Variants in MAP7 observed in about 807,000 individuals in gnomAD.
MAP7 encodes the protein ensconsin.
MAP7 carries 52 observed loss-of-function variants against 94.8 expected under a neutral mutation model. The ratio of observed to expected loss-of-function variants is 0.55; its 90% CI spans 0.44 to 0.69. The LOEUF (loss-of-function observed/expected upper bound fraction) is 0.69. MAP7 is among the 30% of genes least tolerant of loss of function. The pLI, the probability that MAP7 is intolerant of heterozygous loss-of-function variation, is 0.00. For missense variants in MAP7, 940 were observed against 964.6 expected, an observed-to-expected ratio of 0.97 and a Z score of 0.34; for synonymous variants, 350 against 357.0, an observed-to-expected ratio of 0.98 and a Z score of 0.22.
chr6:136,372,758 G>C, intron 7 of MAP7, 133 bp from the exon 8 acceptor site: 2 of 1,098,152 alleles, frequency 1.8e-6, no homozygotes, highest in East Asian at 4.8e-5. Flanking sequence ...GAGAAAAGTA[G>C]GAAGAAGATG....
intron 1 of MAP7, among the ~76,000 whole-genome samples, chr6:136,520,662 G>C (rs1826145057): frequency 6.6e-6 from 1 of 152,182 alleles, no homozygotes. Flanking sequence ...GGCTGGGAGC[G>C]AGAGAGGAGG....
rs376618331 is a variant in MAP7, at chr6:136,411,606, G to C, written c.244+14C>G. On this transcript the variant is annotated intron_variant, in intron 3 of 17. Coordinates refer to ENST00000354570, the MANE Select transcript of MAP7 (RefSeq NM_003980.6). ...CCATTCAAATCAGGGCCATGGACAC[G>C]GGGCCTGGGGTACCTAGCTGTTTCT... 2 of 1,554,548 alleles carry C rather than the reference G, an allele frequency of 1.3e-6. No homozygotes were observed. The highest frequency in any genetic ancestry group is 1.7e-6 in the Non-Finnish European group (2 of 1,148,290).
chr6:136,454,109 C>A lies in MAP7; in HGVS notation c.68-32310G>T, dbSNP rs1802010635. Among the ~76,000 whole-genome samples, 3 of 152,224 alleles carry A rather than the reference C, an allele frequency of 2.0e-5. No individual in the cohort carries two copies. The South Asian group carries it at 6.2e-4, about 32-fold the overall frequency. On this transcript the variant is annotated intron_variant, in intron 1 of 17. Coordinates refer to ENST00000354570, the MANE Select transcript of MAP7 (RefSeq NM_003980.6). ...AGCTCAGAGGCTCTTCCCAAACTGC[C>A]AAATCCTCCAAAAACAGATATTTAA...
chr6:136,371,379 C>A (rs1165017595), intron 8 of MAP7, among the ~76,000 whole-genome samples: 2 of 152,122 alleles, frequency 1.3e-5, no homozygotes, highest in African/African-American at 4.8e-5. Flanking sequence ...TCTGAAACAC[C>A]AACACTCTAA....
chr6:136,423,745 CCT>C (rs1367923726), intron 1 of MAP7, among the ~76,000 whole-genome samples: 1 of 147,950 alleles, frequency 6.8e-6, no homozygotes, highest in Non-Finnish European at 1.5e-5. Flanking sequence ...AAAAACAAAA[CCT>C]CAGTAACAAT....
At chr6:136,499,890 G>A (rs528379096) in intron 1 of MAP7, among the ~76,000 whole-genome samples, 1 of 152,216 alleles carries the variant, frequency 6.6e-6, no homozygotes, top group South Asian at 2.1e-4. Context: ...TAGCTATTCA[G>A]GAGGCTGAAG....
At chr6:136,406,504 G>A (rs1182019467) in intron 3 of MAP7, among the ~76,000 whole-genome samples, 2 of 152,102 alleles carry the variant, frequency 1.3e-5, no homozygotes, top group Non-Finnish European at 2.9e-5. Flanking sequence ...TGGTGATCCT[G>A]TACATACTAA....
At chr6:136,509,065 T>A (rs1400885504) in intron 1 of MAP7, among the ~76,000 whole-genome samples, 3 of 152,244 alleles carry the variant, frequency 2.0e-5, no homozygotes, top group Non-Finnish European at 2.9e-5. Context: ...AACTCTCTCA[T>A]GAAGCATCTG....
intron 3 of MAP7, among the ~76,000 whole-genome samples, chr6:136,408,943 C>T (rs937793046): frequency 3.3e-5 from 5 of 151,570 alleles, no homozygotes; most frequent in African/African-American, 1.2e-4. Context: ...GGCTCTTTTA[C>T]AACTGTATAT....
chr6:136,402,119 T>C (rs377693998), intron 3 of MAP7, among the ~76,000 whole-genome samples: 6 of 152,304 alleles, frequency 3.9e-5, no homozygotes, highest in Admixed American at 2.0e-4. Context: ...TTTCAAGTCC[T>C]AGCTCAGAAG....
intron 1 of MAP7, among the ~76,000 whole-genome samples, chr6:136,432,812 T>C (rs567056981): frequency 6.6e-6 from 1 of 152,330 alleles, no homozygotes; most frequent in South Asian, 2.1e-4. Flanking sequence ...AGATTTTCCA[T>C]ACTACAGAAA....
intron 8 of MAP7, among the ~76,000 whole-genome samples, chr6:136,367,246 C>T (rs560786458): frequency 9.2e-5 from 14 of 152,134 alleles, no homozygotes; most frequent in Non-Finnish European, 1.9e-4. Context: ...AACAAACAAA[C>T]AAAAATTGTA....
intron 1 of MAP7, among the ~76,000 whole-genome samples, chr6:136,474,956 T>C (rs78115720): frequency 0.014 from 2,178 of 152,254 alleles, 83 homozygotes; most frequent in East Asian, 0.14. Flanking sequence ...CCTCAAGTGA[T>C]CTGCCCACCT....
At chr6:136,387,490 T>A (rs996776586) in intron 5 of MAP7, among the ~76,000 whole-genome samples, 1 of 152,264 alleles carries the variant, frequency 6.6e-6, no homozygotes, top group African/African-American at 2.4e-5. Context: ...CAGATCTACG[T>A]CTATGCGCTA....
intron 1 of MAP7, among the ~76,000 whole-genome samples, chr6:136,451,394 T>C (rs1801068616): frequency 6.6e-6 from 1 of 152,230 alleles, no homozygotes; most frequent in South Asian, 2.1e-4. Context: ...GTTTACTCAA[T>C]ATTTTAAGTC....
chr6:136,406,363 T>C (rs561811481), intron 3 of MAP7, among the ~76,000 whole-genome samples: 20 of 152,300 alleles, frequency 1.3e-4, no homozygotes, highest in African/African-American at 4.8e-4. Context: ...AGAATAACTC[T>C]TTCTCCATGA....
chr6:136,480,665 A>AAG (rs1554263557), intron 1 of MAP7, among the ~76,000 whole-genome samples: 1 of 150,458 alleles, frequency 6.6e-6, no homozygotes, highest in Non-Finnish European at 1.5e-5. Context: ...AAAAAAAAAA[A>AAG]AAAAGAAAAG....
chr6:136,370,215 C>T (rs1476506836), intron 8 of MAP7, among the ~76,000 whole-genome samples: 1 of 152,172 alleles, frequency 6.6e-6, no homozygotes, highest in Admixed American at 6.5e-5. Context: ...ACCAAAACTA[C>T]AAGACATCAC....
chr6:136,542,706 GGT>G (rs749976271), intron 1 of MAP7, among the ~76,000 whole-genome samples: 1 of 150,016 alleles, frequency 6.7e-6, no homozygotes, highest in African/African-American at 2.4e-5. Context: ...AGCAAGCAAT[GGT>G]GTGTTAAAAT....
Sources: gnomAD v4.1 joint callset for allele counts (sites outside exome capture counted in the v4.1 genomes callset) on GRCh38, gnomAD v4.1.1 for gene constraint, MANE v1.5 for transcripts, NCBI Gene and HGNC (gene_info 2026-07-23, HGNC 2026-07-21) for gene names.